GDAP2: variants seen among roughly 807,000 people sequenced by gnomAD.
GDAP2 encodes ganglioside induced differentiation associated protein 2.
GDAP2 carries 51 observed loss-of-function variants against 67.0 expected under a neutral mutation model. That is an observed-to-expected ratio of 0.76 (90% confidence interval 0.61 to 0.96). The LOEUF is 0.96. Ranked by LOEUF, GDAP2 falls within the 40% of genes least tolerant of loss-of-function variation. The pLI, the probability that GDAP2 is intolerant of heterozygous loss-of-function variation, is 0.00. For synonymous variants in GDAP2, 203 were observed against 207.3 expected (o/e 0.98, Z 0.18); for missense variants, 547 against 588.3 (o/e 0.93, Z 0.73).
chr1:117,924,000 T>C (rs1011076189), intron 1 of GDAP2, among the ~76,000 whole-genome samples: 1 of 152,248 alleles, frequency 6.6e-6, no homozygotes, highest in East Asian at 1.9e-4. Context: ...TATTCATGCA[T>C]AGTTCAATAA....
chr1:117,876,995 T>A (rs761928929), intron 13 of GDAP2, among the ~76,000 whole-genome samples: 11 of 152,228 alleles, frequency 7.2e-5, no homozygotes, highest in Non-Finnish European at 1.3e-4. Flanking sequence ...AACACTAAGA[T>A]CATTTTCTAC....
Position 117,883,606 on chromosome 1 carries a change from C to T in GDAP2, c.1129G>A (p.Val377Ile). ...MDKALLYFIH[V>I]MDHIAVKEYV... is the part of the protein sequence containing the mutation. ...TCCTTCACAGCAATGTGATCCATTA[C>T]ATGAATGAAATATAAGAGAGCCTAA... is the stretch of plus-strand genomic sequence containing the variant. The change falls in exon 11 of 14, where the codon GTA (valine) becomes ATA (isoleucine). Residue 377 changes from valine (V) to isoleucine (I), a missense_variant. Transcript: ENST00000369443. The T allele has an allele frequency of 6.2e-7, 1 of 1,601,950 alleles. No homozygotes were observed. The highest frequency in any genetic ancestry group is 8.5e-7 in the Non-Finnish European group (1 of 1,169,874).
At chr1:117,915,173 A>C (rs1017080761) in intron 3 of GDAP2, among the ~76,000 whole-genome samples, 1 of 152,220 alleles carries the variant, frequency 6.6e-6, no homozygotes, top group African/African-American at 2.4e-5. Context: ...CATTAAGCAG[A>C]CAACACAACA....
At chr1:117,891,104 T>C (rs772445903) in intron 8 of GDAP2, among the ~76,000 whole-genome samples, 8 of 150,452 alleles carry the variant, frequency 5.3e-5, no homozygotes, top group Non-Finnish European at 3.0e-5. Context: ...GTCCCAAGAA[T>C]TTTGGATATG....
chr1:117,911,817 T>C (rs1390761815), intron 5 of GDAP2, among the ~76,000 whole-genome samples, 177 bp downstream of exon 5: 1 of 151,078 alleles, frequency 6.6e-6, no homozygotes, highest in East Asian at 1.9e-4. Context: ...CGGGCTGGAG[T>C]GCAGTGGCTA....
chr1:117,886,820 A>ACAT (rs1553195967), intron 9 of GDAP2, among the ~76,000 whole-genome samples, 167 bp from the exon 10 acceptor site: 5 of 151,558 alleles, frequency 3.3e-5, no homozygotes, highest in African/African-American at 1.2e-4. Context: ...TCTGCAGACA[A>ACAT]CACCTATTTT....
At chr1:117,928,348 T>A (rs1650534481) in intron 1 of GDAP2, among the ~76,000 whole-genome samples, 1 of 152,232 alleles carries the variant, frequency 6.6e-6, no homozygotes, top group Admixed American at 6.5e-5. Context: ...TTTTTTAGAA[T>A]TAGTTATTCC....
intron 8 of GDAP2, among the ~76,000 whole-genome samples, chr1:117,892,273 T>C (rs1302281435): frequency 6.6e-6 from 1 of 152,190 alleles, no homozygotes; most frequent in African/African-American, 2.4e-5. Flanking sequence ...AGACTGTTAC[T>C]CTTCTCACTC....
chr1:117,880,091 G>A (rs1648601284), intron 12 of GDAP2, among the ~76,000 whole-genome samples: 1 of 152,224 alleles, frequency 6.6e-6, no homozygotes, highest in Non-Finnish European at 1.5e-5. Flanking sequence ...AGGCCAAGGT[G>A]GGAGGACCCC....
chr1:117,896,854 A>T lies in GDAP2; in HGVS notation c.932T>A (p.Leu311Gln), dbSNP rs763598510. ...TTACTTTCTTTGATGCTGCTTCTGC[A>T]GAGCTGCCTCTGATAATTGTCCCTG... ...ILQGQLSEAALQKQHQRNYNR... is the reference protein window; with the variant it reads ...ILQGQLSEAAQQKQHQRNYNR... The change falls in exon 8 of 14, where the codon CTG becomes CAG. Residue 311 changes from leucine (L) to glutamine (Q), a missense_variant. Coordinates refer to ENST00000369443, the MANE Select transcript of GDAP2 (RefSeq NM_017686.4). 1.2e-5 allele frequency: 19 copies of T among 1,612,266 alleles called. No homozygotes were observed. Among genetic ancestry groups the T allele is most frequent in the Non-Finnish European group, 1.6e-5 (19 of 1,179,130 alleles).
At chr1:117,902,365 T>C (rs903627850) in intron 6 of GDAP2, among the ~76,000 whole-genome samples, 1 of 152,234 alleles carries the variant, frequency 6.6e-6, no homozygotes. Flanking sequence ...CCATATCTAA[T>C]AAACCACTGC....
At chr1:117,921,079 G>C (rs1650237076) in intron 1 of GDAP2, among the ~76,000 whole-genome samples, 1 of 152,186 alleles carries the variant, frequency 6.6e-6, no homozygotes, top group Non-Finnish European at 1.5e-5. Context: ...TCAAGTACTA[G>C]AGAGAAGCAA....
At position 117,920,171 on chromosome 1, in the gene GDAP2, C is replaced by A. The variant is rs199942318; in HGVS notation, c.176+11G>T. 40 of 1,523,172 alleles carry A rather than the reference C, an allele frequency of 2.6e-5. No individual in the cohort carries two copies. The Admixed American group carries it at 4.3e-4, about 17-fold the overall frequency. The allele number at this position is 1,523,172 out of a possible 1,614,324, so 94.4% of individuals were successfully genotyped here. A position where few individuals can be genotyped will look rare whatever the true frequency, so the allele number is the denominator to read the frequency against. ...TTATCTCCTCATGATATGATGTAAT[C>A]AAAAAATTACCAAAGAACCACTTTT... is the stretch of plus-strand genomic sequence containing the variant. On this transcript the variant is annotated intron_variant, in intron 2 of 13. Coordinates refer to ENST00000369443, the MANE Select transcript of GDAP2 (RefSeq NM_017686.4).
rs985447558 is a variant in GDAP2 at position 117,899,000 on chromosome 1, G to C, written c.796+57C>G. On this transcript the variant is annotated intron_variant, in intron 7 of 13. Coordinates refer to ENST00000369443, the MANE Select transcript of GDAP2 (RefSeq NM_017686.4). ...TGAATTTCTTACTTCTTTGGTGATT[G>C]GTGCCTATTTTTGGCCCTAAGAGGG... The C allele has an allele frequency of 6.3e-6, 8 of 1,265,446 alleles. No individual in the cohort carries two copies. The African/African-American group carries it at 1.2e-4, about 19-fold the overall frequency. The allele number at this position is 1,265,446 out of a possible 1,614,324, so 78.4% of individuals were successfully genotyped here.
chr1:117,905,238 C>G (rs1247337553), intron 6 of GDAP2, among the ~76,000 whole-genome samples: 2 of 152,184 alleles, frequency 1.3e-5, no homozygotes, highest in Non-Finnish European at 2.9e-5. Context: ...GTGTAAAGCT[C>G]TTCTGTTTCC....
chr1:117,879,314 G>A (rs1426522873), intron 12 of GDAP2, among the ~76,000 whole-genome samples: 1 of 152,154 alleles, frequency 6.6e-6, no homozygotes, highest in Non-Finnish European at 1.5e-5. Context: ...AGTCCCATTT[G>A]CTAACACAGA....
chr1:117,877,906 A>G (rs759070837), intron 13 of GDAP2, 103 bp downstream of exon 13: 18 of 1,392,312 alleles, frequency 1.3e-5, no homozygotes, highest in Non-Finnish European at 1.5e-5. Flanking sequence ...TCACTAATTT[A>G]CATTAATATC....
intron 7 of GDAP2, 107 bp from the exon 8 acceptor site, chr1:117,897,096 G>A (rs1649290615): frequency 7.3e-6 from 5 of 689,440 alleles, no homozygotes; most frequent in African/African-American, 1.8e-5. Context: ...AAAAACTGGG[G>A]TCAAGGTTAT....
In GDAP2 at chr1:117,867,431, G is replaced by C. The variant is rs1648106566; in HGVS notation, c.*3138C>G. On this transcript the variant is annotated 3_prime_UTR_variant, in exon 14 of 14. Coordinates refer to ENST00000369443, the MANE Select transcript of GDAP2 (RefSeq NM_017686.4). ...AGGATGGGCACGGTGGCTCATACTG[G>C]TAAGCCCAACACTTTGGGAGGCCGA... 1 of 150,532 alleles carries C rather than the reference G, an allele frequency of 6.6e-6. No individual in the cohort carries two copies. Among genetic ancestry groups the C allele is most frequent in the African/African-American group, 2.4e-5 (1 of 40,862 alleles). The allele number at this position is 150,532 out of a possible 1,614,324, so 9.3% of individuals were successfully genotyped here.
Sources: gnomAD v4.1 joint callset for allele counts (sites outside exome capture counted in the v4.1 genomes callset) on GRCh38, gnomAD v4.1.1 for gene constraint, MANE v1.5 for transcripts, NCBI Gene and HGNC (gene_info 2026-07-23, HGNC 2026-07-21) for gene names.